Variants in SYNE1 observed in about 807,000 individuals in gnomAD.
The protein encoded by SYNE1 is nesprin-1.
A neutral mutation model predicts 1,111.0 loss-of-function variants in SYNE1; 616 were observed. The observed-to-expected ratio is 0.55, with a 90% CI of 0.52 to 0.59. The LOEUF is 0.59. Among genes scored for constraint, SYNE1 ranks in the 20% least tolerant of loss-of-function variants. The pLI is 0.00. For synonymous variants in SYNE1, 3,855 were observed against 3,825.8 expected (o/e 1.01, Z -0.28); for missense variants, 10,006 against 10,417.0 (o/e 0.96, Z 1.72).
Position 152,462,460 on chromosome 6 carries a change from A to G in SYNE1, c.2250+278T>C, listed in dbSNP as rs1014034861. 8.7e-6 allele frequency: 5 copies of G among 573,428 alleles called. No homozygotes were observed. In the South Asian group the frequency reaches 1.2e-4, roughly 13 times the overall value. 35.5% of individuals were successfully genotyped at this position (573,428 alleles called of 1,614,324 possible). A position where few individuals can be genotyped will look rare whatever the true frequency, so the allele number is the denominator to read the frequency against. On this transcript the variant is annotated intron_variant, in intron 20 of 145. Coordinates refer to ENST00000367255, the MANE Select transcript of SYNE1 (RefSeq NM_182961.4). ...AAGTATTTAGGTGCGGGTGCTATCT[A>G]TAGATGTCTCCTGTTTTTTCCTAAT...
At chr6:152,372,217 G>A (rs964880629) in intron 59 of SYNE1, among the ~76,000 whole-genome samples, 4 of 152,122 alleles carry the variant, frequency 2.6e-5, no homozygotes, top group Non-Finnish European at 5.9e-5. Flanking sequence ...AGGCACAATG[G>A]TTATCACTCT....
intron 63 of SYNE1, among the ~76,000 whole-genome samples, chr6:152,364,219 C>T (rs1007325961): frequency 1.3e-5 from 2 of 152,124 alleles, no homozygotes; most frequent in Non-Finnish European, 2.9e-5. Context: ...TTGTAAGTTT[C>T]CTGAGGCCTC....
At chr6:152,261,336 C>T (rs1381708757) in intron 101 of SYNE1, among the ~76,000 whole-genome samples, 1 of 152,136 alleles carries the variant, frequency 6.6e-6, no homozygotes, top group Non-Finnish European at 1.5e-5. Context: ...CCCTCATTTG[C>T]CCTCTAACTT....
intron 70 of SYNE1, among the ~76,000 whole-genome samples, chr6:152,351,081 A>G (rs1348934573): frequency 2.0e-5 from 3 of 152,232 alleles, no homozygotes; most frequent in African/African-American, 7.2e-5. Context: ...ATCAGAGAAA[A>G]AAAATCTCAA....
intron 145 of SYNE1, among the ~76,000 whole-genome samples, chr6:152,124,675 T>C (rs1585389217): frequency 7.3e-6 from 1 of 136,104 alleles, no homozygotes; most frequent in South Asian, 2.6e-4. Flanking sequence ...ACCAATGAGT[T>C]ATTCCTAATA....
At chr6:152,573,280 C>T (rs1415175610) in intron 3 of SYNE1, among the ~76,000 whole-genome samples, 7 of 151,386 alleles carry the variant, frequency 4.6e-5, no homozygotes, top group African/African-American at 1.2e-4. Flanking sequence ...GTGCTGCACC[C>T]ATTAACTCGT....
intron 50 of SYNE1, 37 bp from the exon 51 acceptor site, chr6:152,395,708 T>G: frequency 6.2e-7 from 1 of 1,609,668 alleles, no homozygotes. Context: ...AATTCTTACA[T>G]GCTTGTTATG....
intron 3 of SYNE1, among the ~76,000 whole-genome samples, chr6:152,619,084 C>T (rs1276358680): frequency 6.7e-6 from 1 of 150,242 alleles, no homozygotes; most frequent in Non-Finnish European, 1.5e-5. Flanking sequence ...AGTGTAATAT[C>T]CTCATTAGCC....
At position 152,336,984 on chromosome 6, in the gene SYNE1, T is replaced by A; in HGVS notation, c.12385A>T (p.Thr4129Ser). 1 of 1,613,966 alleles carries A rather than the reference T, an allele frequency of 6.2e-7. No individual in the cohort carries two copies. The highest frequency in any genetic ancestry group is 8.5e-7 in the Non-Finnish European group (1 of 1,180,012). Residue 4129 changes from threonine to serine, a missense_variant, in exon 76 of 146, where the codon ACT becomes TCT. Physicochemically the swap from Thr to Ser is moderately conservative, Grantham distance 58 (BLOSUM62 1). Transcript: ENST00000367255. ...EQKLVQAQNL[T>S]QGWEEIKHLK... ...TGCTTGATCTCTTCCCAGCCCTGAGTTAAGTTCTGGGCCTGGACAAGCTTT... is the reference window on the plus strand; with the variant it reads ...TGCTTGATCTCTTCCCAGCCCTGAGATAAGTTCTGGGCCTGGACAAGCTTT...
rs1431249246 is a variant in SYNE1, at chr6:152,327,878, G to C, written c.14956-1245C>G. The stretch of plus-strand genomic sequence containing the variant: ...TTATACTAATAGCGCTAGAAAAATA[G>C]TTTAAAATTTGTATAAGCAATAGCC... On this transcript the variant is annotated intron_variant, in intron 78 of 145. Transcript: ENST00000367255. Among the ~76,000 whole-genome samples the C allele has an allele frequency of 2.6e-5, 4 of 152,142 alleles. No individual in the cohort carries two copies. The East Asian group carries it at 7.7e-4, about 29-fold the overall frequency.
At chr6:152,615,863 T>A (rs1465296192) in intron 3 of SYNE1, among the ~76,000 whole-genome samples, 1 of 152,174 alleles carries the variant, frequency 6.6e-6, no homozygotes, top group Non-Finnish European at 1.5e-5. Flanking sequence ...AAAGCACTCT[T>A]TAGGAATTTT....
At chr6:152,132,306 C>G (rs953556910) in intron 143 of SYNE1, 92 bp from the exon 144 acceptor site, 3 of 1,052,988 alleles carry the variant, frequency 2.8e-6, no homozygotes, top group Non-Finnish European at 4.5e-6. Context: ...CCATCTCCAT[C>G]CACCCCCATG....
chr6:152,531,838 T>C (rs189882695), intron 4 of SYNE1, among the ~76,000 whole-genome samples: 6 of 152,334 alleles, frequency 3.9e-5, no homozygotes, highest in Non-Finnish European at 5.9e-5. Context: ...TTCCATCCTT[T>C]TTAAAGGCTG....
Position 152,244,529 on chromosome 6 carries a change from G to A in SYNE1, c.19692+8C>T. The A allele has an allele frequency of 1.2e-6, 2 of 1,613,964 alleles. No individual in the cohort carries two copies. Among genetic ancestry groups the A allele is most frequent in the Non-Finnish European group, 1.7e-6 (2 of 1,179,882 alleles). ...CTGCAGCTGAATACTACTGGCTGAA[G>A]GCTGCACCTGGAGCTTGGAGAGTTC... On this transcript the variant is annotated splice_region_variant and intron_variant, in intron 106 of 145. Coordinates refer to ENST00000367255, the MANE Select transcript of SYNE1 (RefSeq NM_182961.4).
At chr6:152,145,552 A>C (rs2059328999) in intron 137 of SYNE1, 2 of 1,613,910 alleles carry the variant, frequency 1.2e-6, no homozygotes, top group Admixed American at 3.3e-5. Flanking sequence ...GGGGATCATT[A>C]CATCTGCAAA....
chr6:152,509,638 C>T (rs2099075172), intron 8 of SYNE1, among the ~76,000 whole-genome samples: 1 of 151,848 alleles, frequency 6.6e-6, no homozygotes, highest in Non-Finnish European at 1.5e-5. Flanking sequence ...AAACTGAAAA[C>T]TAGATGCAAA....
Position 152,321,827 on chromosome 6 carries a change from T to C in SYNE1, c.15977A>G (p.Glu5326Gly). The C allele has an allele frequency of 6.2e-7, 1 of 1,614,056 alleles. No individual in the cohort carries two copies. The highest frequency in any genetic ancestry group is 8.5e-7 in the Non-Finnish European group (1 of 1,179,974). Residue 5326 changes from glutamate to glycine, a missense_variant, in exon 83 of 146, where the codon GAA becomes GGA. By Grantham distance (98) the Glu-to-Gly change is moderately conservative (BLOSUM62 -2). This residue lies in a region of SYNE1 where 4,955 missense variants were observed against 5,017.2 expected (regional missense o/e 0.99). Transcript: ENST00000367255. ...AGAATTGATCTGAGTCTCCACCATT[T>C]CTCGGTCCTTCAGCTCTTGCTTCAC... The part of the protein sequence containing the change: ...KLVKQELKDR[E>G]MVETQINSVK...
At position 152,520,444 on chromosome 6, in the gene SYNE1, T is replaced by A; in HGVS notation, c.309+15A>T. ...ACCTTCTTCCTTGGGCATTTTGTTT[T>A]TGTTTCTCTCTTACCTTTCTTCCTT... On this transcript the variant is annotated intron_variant, in intron 6 of 145. Transcript: ENST00000367255. 6.2e-7 allele frequency: 1 copy of A among 1,612,830 alleles called. No individual in the cohort carries two copies. Among genetic ancestry groups the A allele is most frequent in the Non-Finnish European group, 8.5e-7 (1 of 1,179,430 alleles).
chr6:152,294,037 A>G lies in SYNE1; in HGVS notation c.17773T>C (p.Tyr5925His). Residue 5925 changes from tyrosine (Y) to histidine (H), a missense_variant, in exon 94 of 146, where the codon TAT becomes CAT. By Grantham distance (83) the Tyr-to-His change is moderately conservative. Coordinates refer to ENST00000367255, the MANE Select transcript of SYNE1 (RefSeq NM_182961.4). The stretch of plus-strand genomic sequence containing the variant: ...GCGGATGGCTCCAATCCCGGTTCAT[A>G]GAACTCCTGGGATGCGGATGTGCTG... Reference protein sequence around the residue: ...HPSTSASQEFYEPGLEPSATA... With the variant: ...HPSTSASQEFHEPGLEPSATA... 1.9e-6 allele frequency: 3 copies of G among 1,614,146 alleles called. No individual in the cohort carries two copies. Among genetic ancestry groups the G allele is most frequent in the Non-Finnish European group, 2.5e-6 (3 of 1,180,020 alleles).
Sources: gnomAD v4.1 joint callset for allele counts (sites outside exome capture counted in the v4.1 genomes callset) on GRCh38, gnomAD v4.1.1 for gene constraint, gnomAD v4.1.1 regional missense constraint, MANE v1.5 for transcripts, NCBI Gene and HGNC (gene_info 2026-07-23, HGNC 2026-07-21) for gene names.